Variants in PTPRD observed in about 807,000 individuals in gnomAD.
PTPRD encodes protein tyrosine phosphatase receptor type D, also known as receptor-type tyrosine-protein phosphatase delta.
A neutral mutation model predicts 214.5 loss-of-function variants in PTPRD; 34 were observed. The ratio of observed to expected loss-of-function variants is 0.16; its 90% CI spans 0.12 to 0.21. The LOEUF (loss-of-function observed/expected upper bound fraction) is 0.21, where lower values mean the gene tolerates loss of function less well. PTPRD is among the 10% of genes least tolerant of loss of function. The pLI is 1.00. For synonymous variants in PTPRD, 1,128 were observed against 845.7 expected (o/e 1.33, Z -5.79); for missense variants, 2,545 against 2,398.7 (o/e 1.06, Z -1.27).
intron 10 of PTPRD, among the ~76,000 whole-genome samples, chr9:9,162,160 C>T (rs1314064558): frequency 1.3e-5 from 2 of 152,016 alleles, no homozygotes; most frequent in African/African-American, 4.8e-5. Flanking sequence ...GAGATTTTTT[C>T]TTATGCATGC....
At chr9:9,826,398 A>T (rs10978014) in intron 5 of PTPRD, among the ~76,000 whole-genome samples, 22,844 of 151,580 alleles carry the variant, frequency 0.15, 3,213 homozygotes, top group East Asian at 0.74. Flanking sequence ...TCAATTATTT[A>T]AAAAAAATAC....
chr9:10,312,332 T>C (rs895477547), intron 3 of PTPRD, among the ~76,000 whole-genome samples: 9 of 151,980 alleles, frequency 5.9e-5, no homozygotes, highest in Admixed American at 1.3e-4. Flanking sequence ...TCTTAAAATA[T>C]TGATTTTGTT....
At chr9:10,354,303 T>C (rs990893098) in intron 2 of PTPRD, among the ~76,000 whole-genome samples, 17 of 152,320 alleles carry the variant, frequency 1.1e-4, no homozygotes, top group Non-Finnish European at 2.5e-4. Context: ...CTTCTATTTA[T>C]CTTTTATCTC....
At chr9:10,507,041 G>A (rs1303686630) in intron 2 of PTPRD, among the ~76,000 whole-genome samples, 2 of 152,004 alleles carry the variant, frequency 1.3e-5, no homozygotes, top group Non-Finnish European at 1.5e-5. Flanking sequence ...AATGTTTCCT[G>A]TTTTTGCCCA....
At chr9:8,850,662 T>A (rs1180271312) in intron 11 of PTPRD, among the ~76,000 whole-genome samples, 1 of 152,198 alleles carries the variant, frequency 6.6e-6, no homozygotes, top group East Asian at 1.9e-4. Context: ...TCTTGATAGA[T>A]CTTTTTAAAA....
At chr9:9,846,451 T>G (rs572413130) in intron 5 of PTPRD, among the ~76,000 whole-genome samples, 2 of 152,290 alleles carry the variant, frequency 1.3e-5, no homozygotes, top group Admixed American at 1.3e-4. Flanking sequence ...CCCTTAAAAC[T>G]ACTATAAATA....
At chr9:8,565,256 C>T (rs555586605) in intron 14 of PTPRD, among the ~76,000 whole-genome samples, 3 of 152,260 alleles carry the variant, frequency 2.0e-5, no homozygotes, top group South Asian at 2.1e-4. Context: ...GACAACTCTT[C>T]GCACAATGAA....
chr9:10,444,938 A>G (rs2098788470), intron 2 of PTPRD, among the ~76,000 whole-genome samples: 1 of 152,016 alleles, frequency 6.6e-6, no homozygotes, highest in Non-Finnish European at 1.5e-5. Flanking sequence ...GTACATGTAT[A>G]CAGAAGAACA....
chr9:9,158,069 T>C (rs1381025227), intron 10 of PTPRD, among the ~76,000 whole-genome samples: 14 of 152,222 alleles, frequency 9.2e-5, no homozygotes, highest in Admixed American at 9.2e-4. Flanking sequence ...CATGGCTGCA[T>C]AGTATTCCAT....
intron 11 of PTPRD, chr9:8,860,992 G>GA (rs1333799752): frequency 6.6e-6 from 1 of 152,090 alleles, no homozygotes; most frequent in Non-Finnish European, 1.5e-5. Context: ...TTTTATGAAG[G>GA]AAAAATGAAG....
chr9:9,267,704 G>A (rs1386667802), intron 9 of PTPRD, among the ~76,000 whole-genome samples: 1 of 150,992 alleles, frequency 6.6e-6, no homozygotes, highest in Non-Finnish European at 1.5e-5. Context: ...TTTATCCCTG[G>A]AATGCAAGGA....
At chr9:9,259,116 T>C (rs2099979000) in intron 9 of PTPRD, among the ~76,000 whole-genome samples, 1 of 151,794 alleles carries the variant, frequency 6.6e-6, no homozygotes, top group Non-Finnish European at 1.5e-5. Context: ...CTACTCAAAA[T>C]TCCCCATTTA....
chr9:8,903,355 G>C (rs2098685962), intron 11 of PTPRD, among the ~76,000 whole-genome samples: 1 of 152,084 alleles, frequency 6.6e-6, no homozygotes, highest in East Asian at 1.9e-4. Flanking sequence ...CAAAGAAAAG[G>C]TCCATGATTG....
Position 8,597,895 on chromosome 9 carries a change from C to T in PTPRD, c.352+35422G>A, listed in dbSNP as rs140773905. ...TATTATTATTTAAAAGAAAAATGTA[C>T]TCATTTTTCTTGGACCAACTTGTTT... On this transcript the variant is annotated intron_variant, in intron 14 of 45. Coordinates refer to ENST00000381196, the MANE Select transcript of PTPRD (RefSeq NM_002839.4). Among the ~76,000 whole-genome samples, 274 of 152,180 alleles carry T rather than the reference C, an allele frequency of 1.8e-3. 2 individuals carry two copies. Among genetic ancestry groups the T allele is most frequent in the African/African-American group, 6.3e-3 (261 of 41,530 alleles).
chr9:10,411,881 CTT>C (rs2098439371), intron 2 of PTPRD, among the ~76,000 whole-genome samples: 1 of 151,652 alleles, frequency 6.6e-6, no homozygotes, highest in African/African-American at 2.4e-5. Context: ...TATGAATAAA[CTT>C]GGGGTAAAAC....
intron 10 of PTPRD, among the ~76,000 whole-genome samples, chr9:9,045,822 C>A (rs1221775533): frequency 6.6e-6 from 1 of 152,142 alleles, no homozygotes; most frequent in East Asian, 1.9e-4. Context: ...GCTGTAAAAA[C>A]TGCAAAATGC....
At chr9:9,472,897 A>G (rs2094725163) in intron 8 of PTPRD, among the ~76,000 whole-genome samples, 1 of 152,304 alleles carries the variant, frequency 6.6e-6, no homozygotes, top group East Asian at 1.9e-4. Flanking sequence ...ATATTATTAC[A>G]TGTATACAAG....
chr9:9,524,858 T>C (rs2073671149), intron 8 of PTPRD, among the ~76,000 whole-genome samples: 1 of 152,142 alleles, frequency 6.6e-6, no homozygotes. Context: ...TGCTTGTTTG[T>C]TTGTTTGTTT....
intron 5 of PTPRD, among the ~76,000 whole-genome samples, chr9:9,785,012 T>C (rs970969833): frequency 6.6e-6 from 1 of 151,412 alleles, no homozygotes; most frequent in African/African-American, 2.4e-5. Context: ...GCTAAAAACA[T>C]GTTTTGGAAA....
Sources: gnomAD v4.1 joint callset for allele counts (sites outside exome capture counted in the v4.1 genomes callset) on GRCh38, gnomAD v4.1.1 for gene constraint, MANE v1.5 for transcripts, NCBI Gene and HGNC (gene_info 2026-07-23, HGNC 2026-07-21) for gene names.